Variants in MIB1 observed in about 807,000 individuals in gnomAD.
MIB1 encodes the protein E3 ubiquitin-protein ligase MIB1.
Under a neutral mutation model 124.5 loss-of-function variants are expected in MIB1, and 278 were observed. That is an observed-to-expected ratio of 2.23 (90% confidence interval 2.02 to 2.47). The LOEUF is 2.47. Ranked by LOEUF, MIB1 falls within the 30% of genes most tolerant of loss-of-function variation. The pLI is 0.00. For missense variants in MIB1, 957 were observed against 1,254.4 expected (o/e 0.76, Z 3.58); for synonymous variants, 446 against 429.4 (o/e 1.04, Z -0.48).
At chr18:21,835,931 A>C (rs1461971962) in intron 12 of MIB1, among the ~76,000 whole-genome samples, 1 of 151,516 alleles carries the variant, frequency 6.6e-6, no homozygotes, top group Non-Finnish European at 1.5e-5. Context: ...AGTTGTCATA[A>C]TACTATTATA....
chr18:21,844,401 C>G (rs547502385), intron 15 of MIB1, 148 bp downstream of exon 15: 3 of 796,828 alleles, frequency 3.8e-6, no homozygotes, highest in Admixed American at 2.8e-5. Context: ...TAGTACTAGT[C>G]AGTACTAACT....
At chr18:21,762,289 A>G (rs1009551948) in intron 1 of MIB1, among the ~76,000 whole-genome samples, 2 of 152,236 alleles carry the variant, frequency 1.3e-5, no homozygotes, top group African/African-American at 4.8e-5. Context: ...ATTCAAAGAT[A>G]CTTGTTTGTG....
At chr18:21,845,886 G>A (rs1246344074) in intron 15 of MIB1, among the ~76,000 whole-genome samples, 2 of 152,136 alleles carry the variant, frequency 1.3e-5, no homozygotes, top group African/African-American at 2.4e-5. Context: ...GCCTCCCAAA[G>A]TCCTGGGATT....
chr18:21,836,209 G>A (rs1230131224), intron 12 of MIB1, among the ~76,000 whole-genome samples: 8 of 151,756 alleles, frequency 5.3e-5, no homozygotes, highest in Admixed American at 4.6e-4. Flanking sequence ...AACTCTGATC[G>A]TGCCACTAAC....
At chr18:21,767,588 C>T (rs1003130924) in intron 2 of MIB1, among the ~76,000 whole-genome samples, 5 of 151,920 alleles carry the variant, frequency 3.3e-5, no homozygotes, top group African/African-American at 1.2e-4. Context: ...CTCTCTGTTG[C>T]CCAGGCTGGA....
At chr18:21,716,507 G>A (rs2040690279) in intron 1 of MIB1, among the ~76,000 whole-genome samples, 1 of 152,100 alleles carries the variant, frequency 6.6e-6, no homozygotes, top group Non-Finnish European at 1.5e-5. Flanking sequence ...ACAATGAATG[G>A]AATAGTACCT....
chr18:21,867,957 GAAAA>G lies in MIB1; in HGVS notation c.*3295_*3298del, dbSNP rs551154354. On this transcript the variant is annotated 3_prime_UTR_variant, in exon 21 of 21. Coordinates refer to ENST00000261537, the MANE Select transcript of MIB1 (RefSeq NM_020774.4). ...AGGAAAGTCAGCATTTGAGTGTAGA[GAAAA>G]AAAGAGGATCATACAGATGTCATCA... 1.5e-4 allele frequency: 23 copies of G among 151,858 alleles called. No homozygotes were observed. The highest frequency in any genetic ancestry group is 1.1e-3 in the Admixed American group (17 of 15,268). The allele number at this position is 151,858 out of a possible 1,614,324, so 9.4% of individuals were successfully genotyped here.
chr18:21,792,499 TTC>T (rs1455645984), intron 7 of MIB1, among the ~76,000 whole-genome samples: 1 of 152,178 alleles, frequency 6.6e-6, no homozygotes, highest in East Asian at 1.9e-4. Context: ...CCATTAGCCC[TTC>T]TGTCCTTTCT....
At chr18:21,855,647 C>G (rs531070280) in intron 18 of MIB1, among the ~76,000 whole-genome samples, 1 of 152,322 alleles carries the variant, frequency 6.6e-6, no homozygotes, top group African/African-American at 2.4e-5. Context: ...GCCTTGGTAA[C>G]TGACTGTTCT....
At chr18:21,851,328 G>A (rs1055348133) in intron 17 of MIB1, among the ~76,000 whole-genome samples, 5 of 152,126 alleles carry the variant, frequency 3.3e-5, no homozygotes, top group Admixed American at 6.5e-5. Context: ...ATATGCTTTC[G>A]TTCTTTTTCA....
chr18:21,831,251 T>A (rs1356471031), intron 12 of MIB1: 2 of 134,556 alleles, frequency 1.5e-5, no homozygotes, highest in Non-Finnish European at 3.1e-5. Flanking sequence ...TTTCTTGCTT[T>A]TAGATTTTTT....
At chr18:21,749,641 C>CTTTT (rs10653364) in intron 1 of MIB1, among the ~76,000 whole-genome samples, 1 of 114,564 alleles carries the variant, frequency 8.7e-6, no homozygotes, top group Non-Finnish European at 1.6e-5. Flanking sequence ...CTACCTTACT[C>CTTTT]TTTTTTTTTT....
Position 21,800,061 on chromosome 18 carries a change from A to G in MIB1, c.1371+87A>G, listed in dbSNP as rs1187258678. The G allele has an allele frequency of 1.1e-5, 12 of 1,054,734 alleles. No homozygotes were observed. The East Asian group carries it at 3.1e-4, about 27-fold the overall frequency. The allele number at this position is 1,054,734 out of a possible 1,614,324, so 65.3% of individuals were successfully genotyped here. A position where few individuals can be genotyped will look rare whatever the true frequency, so the allele number is the denominator to read the frequency against. On this transcript the variant is annotated intron_variant, in intron 9 of 20. Transcript: ENST00000261537. ...CCTCAACAATTACTAAGATTTTGCC[A>G]GATGTGCTTCATTTATTTCTTCTTT...
At position 21,819,588 on chromosome 18, in the gene MIB1, AT is replaced by A. The variant is rs1568214692; in HGVS notation, c.1772del (p.Ile591ThrfsTer15). On this transcript the variant is annotated frameshift_variant, in exon 12 of 21. Transcript: ENST00000261537. LOFTEE classifies it high-confidence loss of function. ...VLLEAGADVT[I>X]TNNNGFNALH... The stretch of plus-strand genomic sequence containing the variant: ...TTTGGAAGCTGGAGCAGATGTTACC[AT>A]CACAAACAATAATGGATTTAATGCT... 6.2e-7 allele frequency: 1 copy of A among 1,612,356 alleles called. No individual in the cohort carries two copies.
Position 21,799,864 on chromosome 18 carries a change from A to T in MIB1, c.1261A>T (p.Lys421Ter), listed in dbSNP as rs1420990988. 3 of 1,611,188 alleles carry T rather than the reference A, an allele frequency of 1.9e-6. No individual in the cohort carries two copies. Among genetic ancestry groups the T allele is most frequent in the South Asian group, 1.1e-5 (1 of 90,758 alleles). The stretch of plus-strand genomic sequence containing the variant: ...AGAAAGACTCTCACAACTCCTGAAG[A>T]AATTATTTGAAACCCAAGAATCTGG... ...SGERLSQLLKKLFETQESGDL... is the reference protein window; with the variant it reads ...SGERLSQLLK Residue 421 changes from lysine to a stop codon, truncating the protein, a stop_gained, in exon 9 of 21, where the codon AAA becomes TAA. Coordinates refer to ENST00000261537, the MANE Select transcript of MIB1 (RefSeq NM_020774.4). LOFTEE classifies it high-confidence loss of function.
chr18:21,724,810 T>G (rs2040733869), intron 1 of MIB1, among the ~76,000 whole-genome samples: 1 of 122,598 alleles, frequency 8.2e-6, no homozygotes, highest in Non-Finnish European at 1.6e-5. Context: ...TGACAAATGT[T>G]GGCCCGGCGC....
At chr18:21,849,022 CAG>C (rs2042158758) in intron 16 of MIB1, among the ~76,000 whole-genome samples, 172 bp from the exon 17 acceptor site, 1 of 152,026 alleles carries the variant, frequency 6.6e-6, no homozygotes, top group African/African-American at 2.4e-5. Flanking sequence ...TCTAAAGATG[CAG>C]AGACGCATAT....
chr18:21,706,626 C>T (rs1460470553), intron 1 of MIB1, among the ~76,000 whole-genome samples: 2 of 152,144 alleles, frequency 1.3e-5, no homozygotes, highest in East Asian at 1.9e-4. Context: ...CGGCTGGCAC[C>T]GCCGGCCCTG....
At chr18:21,864,376 TA>T (rs1249837043) in intron 20 of MIB1, 149 bp from the exon 21 acceptor site, 8 of 595,214 alleles carry the variant, frequency 1.3e-5, no homozygotes, top group Admixed American at 3.0e-5. Context: ...GATGACATTT[TA>T]ACTATTTAAA....
Sources: gnomAD v4.1 joint callset for allele counts (sites outside exome capture counted in the v4.1 genomes callset) on GRCh38, gnomAD v4.1.1 for gene constraint, MANE v1.5 for transcripts, NCBI Gene and HGNC (gene_info 2026-07-23, HGNC 2026-07-21) for gene names.